The following CTNNA3 variants were observed in gnomAD, a reference collection of about 807,000 sequenced individuals.
The protein encoded by CTNNA3 is catenin alpha 3.
A neutral mutation model predicts 95.7 loss-of-function variants in CTNNA3; 76 were observed. The ratio of observed to expected loss-of-function variants is 0.79; its 90% CI spans 0.66 to 0.96. The LOEUF (loss-of-function observed/expected upper bound fraction) is 0.96. CTNNA3 is among the 40% of genes least tolerant of loss of function. CTNNA3 has a pLI of 0.00. For synonymous variants in CTNNA3, 431 were observed against 374.4 expected (o/e 1.15, Z -1.74); for missense variants, 1,191 against 1,089.8 (o/e 1.09, Z -1.31).
chr10:66,864,694 C>A (rs1844092673), intron 7 of CTNNA3, among the ~76,000 whole-genome samples: 1 of 152,022 alleles, frequency 6.6e-6, no homozygotes, highest in East Asian at 1.9e-4. Context: ...AAAAAAGTTT[C>A]TATTTTGCAA....
At chr10:67,617,749 G>A (rs952005358) in intron 2 of CTNNA3, among the ~76,000 whole-genome samples, 6 of 149,504 alleles carry the variant, frequency 4.0e-5, no homozygotes, top group South Asian at 4.2e-4. Context: ...TTTTCTCTGC[G>A]ACCTCTCCAG....
intron 12 of CTNNA3, among the ~76,000 whole-genome samples, chr10:66,355,309 G>A (rs1173998871): frequency 6.6e-6 from 1 of 152,012 alleles, no homozygotes; most frequent in African/African-American, 2.4e-5. Context: ...ATTTAACTGG[G>A]TCACATTGGG....
In CTNNA3 at chr10:66,040,607, T is replaced by C. The variant is rs927514668; in HGVS notation, c.2159+28701A>G. ...GGATGGGGCTAGAGGCCATTATCCT[T>C]AGCAAACTCATTCAGAAACAGAAAG... is the stretch of plus-strand genomic sequence containing the variant. On this transcript the variant is annotated intron_variant, in intron 15 of 17. Coordinates refer to ENST00000433211, the MANE Select transcript of CTNNA3 (RefSeq NM_013266.4). 6.6e-5 allele frequency among the ~76,000 whole-genome samples: 10 copies of C among 152,042 alleles called. No homozygotes were observed. The East Asian group carries it at 1.9e-3, about 29-fold the overall frequency.
chr10:67,642,582 G>A (rs1839574301), intron 2 of CTNNA3, among the ~76,000 whole-genome samples: 1 of 152,044 alleles, frequency 6.6e-6, no homozygotes, highest in African/African-American at 2.4e-5. Context: ...ACCGGGTATG[G>A]TGGCATGTGC....
At chr10:66,732,574 G>A (rs1202113566) in intron 9 of CTNNA3, among the ~76,000 whole-genome samples, 1 of 152,082 alleles carries the variant, frequency 6.6e-6, no homozygotes, top group Non-Finnish European at 1.5e-5. Flanking sequence ...GCAGGAAGGA[G>A]AAGTACCAAG....
At chr10:67,514,938 A>T (rs929076910) in intron 5 of CTNNA3, among the ~76,000 whole-genome samples, 1 of 152,110 alleles carries the variant, frequency 6.6e-6, no homozygotes, top group Non-Finnish European at 1.5e-5. Flanking sequence ...ACAGCTTTCT[A>T]CCTAAGTGCC....
At chr10:67,084,109 A>C (rs1857185519) in intron 7 of CTNNA3, among the ~76,000 whole-genome samples, 1 of 152,054 alleles carries the variant, frequency 6.6e-6, no homozygotes, top group African/African-American at 2.4e-5. Flanking sequence ...ATATATTAAA[A>C]CACCTATATT....
intron 7 of CTNNA3, among the ~76,000 whole-genome samples, chr10:67,159,181 C>T (rs1861432782): frequency 6.6e-6 from 1 of 152,224 alleles, no homozygotes. Flanking sequence ...CCAGCGCATG[C>T]AGCCCCTGTC....
chr10:66,048,843 A>G (rs1265489303), intron 15 of CTNNA3, among the ~76,000 whole-genome samples: 1 of 152,216 alleles, frequency 6.6e-6, no homozygotes, highest in Non-Finnish European at 1.5e-5. Context: ...ACCCTGGAAG[A>G]AAACCTAGGC....
chr10:67,530,559 C>T (rs1315820095), intron 4 of CTNNA3, among the ~76,000 whole-genome samples: 1 of 152,182 alleles, frequency 6.6e-6, no homozygotes, highest in African/African-American at 2.4e-5. Context: ...GCAAAGCATT[C>T]AAGAGGTGAC....
At position 67,219,007 on chromosome 10, in the gene CTNNA3, C is replaced by G. The variant is rs182249026; in HGVS notation, c.843+600G>C. Reference sequence around the variant, plus strand: ...GGTTCTCCAACCTTAGCTCCTGCTACTCATCACTTTGCTGTCTTCACCTAG... The same window carrying G: ...GGTTCTCCAACCTTAGCTCCTGCTAGTCATCACTTTGCTGTCTTCACCTAG... On this transcript the variant is annotated intron_variant, in intron 6 of 17. Coordinates refer to ENST00000433211, the MANE Select transcript of CTNNA3 (RefSeq NM_013266.4). Among the ~76,000 whole-genome samples the G allele has an allele frequency of 2.9e-3, 439 of 152,336 alleles. 7 individuals are homozygous for G. The highest frequency in any genetic ancestry group is 0.01 in the African/African-American group (422 of 41,580).
At chr10:66,587,438 G>A (rs1843397314) in intron 10 of CTNNA3, among the ~76,000 whole-genome samples, 1 of 152,014 alleles carries the variant, frequency 6.6e-6, no homozygotes, top group Non-Finnish European at 1.5e-5. Context: ...TAATGGGTAG[G>A]GCCATGGAGC....
intron 5 of CTNNA3, among the ~76,000 whole-genome samples, chr10:67,244,651 A>G (rs1865843804): frequency 6.6e-6 from 1 of 152,228 alleles, no homozygotes; most frequent in South Asian, 2.1e-4. Flanking sequence ...AAATTTGGCT[A>G]AAATTAGTGA....
intron 5 of CTNNA3, among the ~76,000 whole-genome samples, chr10:67,337,726 C>T (rs183002071): frequency 6.6e-6 from 1 of 152,250 alleles, no homozygotes; most frequent in African/African-American, 2.4e-5. Context: ...CCTGATCAAT[C>T]AACAGCCATC....
intron 1 of CTNNA3, among the ~76,000 whole-genome samples, chr10:67,706,580 G>A (rs930800447): frequency 1.5e-4 from 23 of 152,100 alleles, no homozygotes; most frequent in African/African-American, 5.6e-4. Flanking sequence ...AGTCCCTTGG[G>A]AGGACATCTG....
At chr10:67,180,018 T>G (rs561344554) in intron 7 of CTNNA3, among the ~76,000 whole-genome samples, 1 of 152,280 alleles carries the variant, frequency 6.6e-6, no homozygotes, top group African/African-American at 2.4e-5. Context: ...CTTAAATTGA[T>G]GTGCAACTCT....
At chr10:66,946,371 G>C (rs1175373309) in intron 7 of CTNNA3, among the ~76,000 whole-genome samples, 1 of 152,166 alleles carries the variant, frequency 6.6e-6, no homozygotes, top group Non-Finnish European at 1.5e-5. Context: ...AGAGACATTT[G>C]TATAGTTTAA....
chr10:67,117,956 C>A (rs375342795), intron 7 of CTNNA3, among the ~76,000 whole-genome samples: 3 of 151,876 alleles, frequency 2.0e-5, no homozygotes, highest in East Asian at 3.9e-4. Flanking sequence ...TTTTCATGAC[C>A]GATTCAAGAG....
intron 7 of CTNNA3, among the ~76,000 whole-genome samples, chr10:66,841,694 T>C (rs949407729): frequency 3.3e-5 from 5 of 152,182 alleles, no homozygotes; most frequent in African/African-American, 9.6e-5. Flanking sequence ...GCATTCTCTA[T>C]GTAATGAGTG....
Sources: allele counts gnomAD v4.1 joint callset (sites outside exome capture counted in the v4.1 genomes callset), GRCh38; gene constraint gnomAD v4.1.1; transcripts MANE v1.5; gene names NCBI Gene and HGNC (gene_info 2026-07-23, HGNC 2026-07-21).